TFDP2: variants seen among roughly 807,000 people sequenced by gnomAD.
TFDP2 encodes transcription factor Dp-2 (E2F dimerization partner 2).
A neutral mutation model predicts 59.3 loss-of-function variants in TFDP2; 17 were observed. The ratio of observed to expected loss-of-function variants is 0.29; its 90% CI spans 0.20 to 0.43. TFDP2 has a LOEUF of 0.43. Ranked by LOEUF, TFDP2 falls within the 20% of genes least tolerant of loss-of-function variation. The probability of loss-of-function intolerance (pLI) is 1.00; values close to 1 mark genes in which losing one functional copy is unlikely to be tolerated. For missense variants in TFDP2, 391 were observed against 528.8 expected, an observed-to-expected ratio of 0.74 and a Z score of 2.56; for synonymous variants, 180 against 194.7, an observed-to-expected ratio of 0.92 and a Z score of 0.63.
At chr3:141,968,358 TATATCTCATATATAAC>T (rs1938530224) in intron 9 of TFDP2, among the ~76,000 whole-genome samples, 1 of 117,402 alleles carries the variant, frequency 8.5e-6, no homozygotes, top group African/African-American at 3.0e-5. Context: ...ATATATAACA[TATATCTCATATATAAC>T]ATATATCTCA....
At chr3:141,993,996 G>T (rs911399608) in intron 5 of TFDP2, among the ~76,000 whole-genome samples, 1 of 152,188 alleles carries the variant, frequency 6.6e-6, no homozygotes, top group East Asian at 1.9e-4. Context: ...TGGCTTTCAC[G>T]TTATAATCTT....
chr3:142,008,773 G>C (rs1158390881), intron 3 of TFDP2, among the ~76,000 whole-genome samples: 2 of 151,886 alleles, frequency 1.3e-5, no homozygotes, highest in Non-Finnish European at 1.5e-5. Flanking sequence ...CATACACACT[G>C]TTGTCCTAAG....
chr3:141,977,106 A>ATTTTTTTT (rs66720095), intron 7 of TFDP2, among the ~76,000 whole-genome samples: 1 of 97,504 alleles, frequency 1.0e-5, no homozygotes, highest in Non-Finnish European at 2.0e-5. Context: ...ATATATATAT[A>ATTTTTTTT]TTTTTTTTTT....
chr3:142,077,233 A>G (rs1213949528), intron 3 of TFDP2, among the ~76,000 whole-genome samples: 2 of 152,112 alleles, frequency 1.3e-5, no homozygotes. Flanking sequence ...GTCCTAAACA[A>G]ACTTAAAAGG....
At chr3:142,022,247 G>GCTTT in intron 3 of TFDP2, among the ~76,000 whole-genome samples, 1 of 152,286 alleles carries the variant, frequency 6.6e-6, no homozygotes, top group Non-Finnish European at 1.5e-5. Context: ...GACACCTAAA[G>GCTTT]ATTCAAAAAT....
At chr3:141,961,787 C>T (rs750922892) in intron 10 of TFDP2, among the ~76,000 whole-genome samples, 89 of 152,218 alleles carry the variant, frequency 5.8e-4, no homozygotes, top group Non-Finnish European at 1.0e-3. Context: ...AATGGATCAG[C>T]TTTAGTTGGC....
intron 1 of TFDP2, among the ~76,000 whole-genome samples, chr3:142,114,648 G>T (rs1316326716): frequency 6.7e-6 from 1 of 148,926 alleles, no homozygotes; most frequent in African/African-American, 2.5e-5. Flanking sequence ...CAGGATACAG[G>T]TTTTTTTTTT....
rs1318834955 is a variant in TFDP2 at position 142,042,930 on chromosome 3, C to T, written c.83-37386G>A. On this transcript the variant is annotated intron_variant, in intron 3 of 12. Coordinates refer to ENST00000489671, the MANE Select transcript of TFDP2 (RefSeq NM_001178139.2). The stretch of plus-strand genomic sequence containing the variant: ...AATTTTTTTGTATTTTTAGTAGAGA[C>T]GGTTTTTCTCCTTGTTGGTAAGTCT... 3.3e-5 allele frequency among the ~76,000 whole-genome samples: 5 copies of T among 151,280 alleles called. No homozygotes were observed. In the East Asian group the frequency reaches 7.8e-4, roughly 24 times the overall value.
chr3:142,088,835 CTT>C (rs879878789), intron 3 of TFDP2, among the ~76,000 whole-genome samples: 4 of 139,472 alleles, frequency 2.9e-5, no homozygotes, highest in Admixed American at 7.2e-5. Context: ...GATTTAATAT[CTT>C]TTTTTTTTTT....
At chr3:142,044,032 T>C in intron 3 of TFDP2, 2 of 668,030 alleles carry the variant, frequency 3.0e-6, no homozygotes, top group Non-Finnish European at 5.5e-6. Context: ...GAATGGACTG[T>C]CAACAGGCTT....
intron 10 of TFDP2, among the ~76,000 whole-genome samples, 176 bp downstream of exon 10, chr3:141,963,636 T>A (rs11569262): frequency 3.3e-5 from 5 of 151,954 alleles, no homozygotes; most frequent in African/African-American, 9.7e-5. Context: ...AGGGTGAGGG[T>A]TGGAGCGCAC....
At chr3:141,994,879 T>C (rs1943115158) in intron 5 of TFDP2, 141 bp downstream of exon 5, 1 of 635,664 alleles carries the variant, frequency 1.6e-6, no homozygotes, top group Non-Finnish European at 2.5e-6. Flanking sequence ...AGATATAAAG[T>C]GAAATAAAAT....
chr3:142,012,514 G>A (rs1408633488), intron 3 of TFDP2, among the ~76,000 whole-genome samples: 1 of 152,144 alleles, frequency 6.6e-6, no homozygotes, highest in Non-Finnish European at 1.5e-5. Flanking sequence ...GAGCATTGTG[G>A]AGAAAAGCAA....
chr3:142,116,795 TAA>T (rs2061865934), intron 1 of TFDP2, among the ~76,000 whole-genome samples: 1 of 152,164 alleles, frequency 6.6e-6, no homozygotes, highest in South Asian at 2.1e-4. Context: ...TGTATGCATA[TAA>T]GTTACGTTTT....
At chr3:142,087,082 G>A (rs2060827359) in intron 3 of TFDP2, among the ~76,000 whole-genome samples, 2 of 152,158 alleles carry the variant, frequency 1.3e-5, no homozygotes, top group Non-Finnish European at 2.9e-5. Context: ...AGGAATCAGG[G>A]CAGCGATCAA....
At position 141,996,086 on chromosome 3, in the gene TFDP2, G is replaced by T. The variant is rs531506551; in HGVS notation, c.187-945C>A. Among the ~76,000 whole-genome samples the T allele has an allele frequency of 5.9e-5, 9 of 151,892 alleles. No homozygotes were observed. The South Asian group carries it at 1.9e-3, about 32-fold the overall frequency. ...TTGCCCTTAATTTCTATTTCCTAAG[G>T]CTAGACTCCAGAAAGGGGATTAATG... On this transcript the variant is annotated intron_variant, in intron 4 of 12. Coordinates refer to ENST00000489671, the MANE Select transcript of TFDP2 (RefSeq NM_001178139.2).
intron 11 of TFDP2, among the ~76,000 whole-genome samples, chr3:141,954,998 A>G (rs1936416582): frequency 6.6e-6 from 1 of 152,338 alleles, no homozygotes; most frequent in Non-Finnish European, 1.5e-5. Context: ...CTTCAAGTCT[A>G]AGAAGAATAG....
At chr3:141,953,331 A>T (rs931619478) in intron 11 of TFDP2, among the ~76,000 whole-genome samples, 2 of 152,202 alleles carry the variant, frequency 1.3e-5, no homozygotes, top group Non-Finnish European at 2.9e-5. Context: ...CATGGGATAC[A>T]TCCCAGTGTA....
chr3:142,004,581 G>A lies in TFDP2; in HGVS notation c.186+860C>T, dbSNP rs372190333. Among the ~76,000 whole-genome samples, 8 of 152,260 alleles carry A rather than the reference G, an allele frequency of 5.3e-5. No homozygotes were observed. The East Asian group carries it at 1.2e-3, about 22-fold the overall frequency. Reference sequence around the variant, plus strand: ...AAAGTGCTACACACTTCATGCTCTAGCATAATTAATGAATGTCTTTAGAGA... The same window carrying A: ...AAAGTGCTACACACTTCATGCTCTAACATAATTAATGAATGTCTTTAGAGA... On this transcript the variant is annotated intron_variant, in intron 4 of 12. Transcript: ENST00000489671.
Sources: gnomAD v4.1 joint callset for allele counts (sites outside exome capture counted in the v4.1 genomes callset) on GRCh38, gnomAD v4.1.1 for gene constraint, MANE v1.5 for transcripts, NCBI Gene and HGNC (gene_info 2026-07-23, HGNC 2026-07-21) for gene names.